MCOLN1: variants seen among roughly 807,000 people sequenced by gnomAD.
MCOLN1 encodes mucolipin TRP cation channel 1, also known as mucolipin-1.
Under a neutral mutation model 70.3 loss-of-function variants are expected in MCOLN1, and 50 were observed. The observed-to-expected ratio is 0.71, with a 90% confidence interval of 0.57 to 0.90. MCOLN1 has a LOEUF of 0.90. MCOLN1 is among the 40% of genes least tolerant of loss of function. The probability of loss-of-function intolerance (pLI) is 0.00; values close to 1 mark genes in which losing one functional copy is unlikely to be tolerated. For missense variants in MCOLN1, 598 were observed against 803.5 expected, an observed-to-expected ratio of 0.74 and a Z score of 3.09; for synonymous variants, 366 against 341.0, an observed-to-expected ratio of 1.07 and a Z score of -0.81.
rs774271399 is a variant in MCOLN1 at position 7,527,569 on chromosome 19, C to T, written c.621C>T (p.Asp207=). 1.1e-5 allele frequency: 17 copies of T among 1,612,826 alleles called. No individual in the cohort carries two copies. The highest frequency in any genetic ancestry group is 3.3e-5 in the Admixed American group (2 of 60,004). The change falls in exon 5 of 14, where the codon GAC becomes GAT. Residue 207 remains aspartate, a synonymous_variant. Transcript: ENST00000264079. Reference sequence around the variant, plus strand: ...AGCGGCCCCCTCCGCCCCCCAGCGACGATCTCACCCTCTTGGAAAGCAGCT... The same window carrying T: ...AGCGGCCCCCTCCGCCCCCCAGCGATGATCTCACCCTCTTGGAAAGCAGCT... ...PPERPPPPPS[D]DLTLLESSSS...
At chr19:7,527,286 A>G in intron 4 of MCOLN1, 1 of 547,822 alleles carries the variant, frequency 1.8e-6, no homozygotes, top group South Asian at 2.1e-5. Context: ...AAAAAAAAAA[A>G]AAAAAAAAAC....
chr19:7,525,047 G>T lies in MCOLN1; in HGVS notation c.118G>T (p.Asp40Tyr), dbSNP rs759004842. 6.2e-7 allele frequency: 1 copy of T among 1,614,136 alleles called. No individual in the cohort carries two copies. Among genetic ancestry groups the T allele is most frequent in the Non-Finnish European group, 8.5e-7 (1 of 1,180,038 alleles). The change falls in exon 2 of 14, where the codon GAC becomes TAC. Residue 40 changes from aspartate to tyrosine, a missense_variant. By Grantham distance (160) the Asp-to-Tyr change is radical (BLOSUM62 -3). Transcript: ENST00000264079. This position sits in a 1 kb window ranked among gnomAD's most constrained non-coding sequence, Gnocchi z 4.2. ...CCCTCCGACACCCCCAGAAGAGGAA[G>T]ACCTTCGCCGTCGTCTCAAATACTT... ...PAPPTPPEEE[D>Y]LRRRLKYFFM...
intron 4 of MCOLN1, 151 bp from the exon 5 acceptor site, chr19:7,527,369 C>G: frequency 1.5e-6 from 1 of 667,942 alleles, no homozygotes; most frequent in South Asian, 1.7e-5. Flanking sequence ...ATGGCTCATT[C>G]AGTAAAACAT....
Position 7,522,765 on chromosome 19 carries a change from G to C in MCOLN1, c.15G>C (p.Ala5=). 1 of 1,410,280 alleles carries C rather than the reference G, an allele frequency of 7.1e-7. No homozygotes were observed. The highest frequency in any genetic ancestry group is 9.2e-7 in the Non-Finnish European group (1 of 1,086,204). The allele number at this position is 1,410,280 out of a possible 1,614,324, so 87.4% of individuals were successfully genotyped here. The change falls in exon 1 of 14, where the codon GCG becomes GCC. Residue 5 remains alanine, a synonymous_variant. Coordinates refer to ENST00000264079, the MANE Select transcript of MCOLN1 (RefSeq NM_020533.3). ...CCCGCCCCAGCATGACAGCCCCGGCGGGTCCGCGCGGCTCAGGTGAGGGCG... is the reference window on the plus strand; with the variant it reads ...CCCGCCCCAGCATGACAGCCCCGGCCGGTCCGCGCGGCTCAGGTGAGGGCG... The part of the protein sequence containing the change: MTAP[A]GPRGSETERL...
rs2146021915 is a variant in MCOLN1 at position 7,525,788 on chromosome 19, C to T, written c.237+622C>T. On this transcript the variant is annotated intron_variant, in intron 2 of 13. Coordinates refer to ENST00000264079, the MANE Select transcript of MCOLN1 (RefSeq NM_020533.3). The surrounding 1 kb of genome is among the most constrained non-coding windows in gnomAD (Gnocchi z 4.2). Reference sequence around the variant, plus strand: ...CTGAAAAGGGACCCAATTGTCCAGGCATGGTGGCTCATGCCTGTAATGCCA... The same window carrying T: ...CTGAAAAGGGACCCAATTGTCCAGGTATGGTGGCTCATGCCTGTAATGCCA... The T allele has an allele frequency of 5.8e-6, 1 of 171,126 alleles. No homozygotes were observed. The highest frequency in any genetic ancestry group is 2.4e-5 in the African/African-American group (1 of 41,670). The allele number at this position is 171,126 out of a possible 1,614,324, so 10.6% of individuals were successfully genotyped here. A position where few individuals can be genotyped will look rare whatever the true frequency, so the allele number is the denominator to read the frequency against.
At chr19:7,529,516 C>CGGGGGG in intron 10 of MCOLN1, 74 bp from the exon 11 acceptor site, 1 of 1,276,784 alleles carries the variant, frequency 7.8e-7, no homozygotes, top group Non-Finnish European at 1.1e-6. Context: ...GCCCCTCCCA[C>CGGGGGG]CCCCATCTGG....
At position 7,522,660 on chromosome 19, in the gene MCOLN1, C is replaced by T; in HGVS notation, c.-91C>T. 3.0e-6 allele frequency: 4 copies of T among 1,340,732 alleles called. No homozygotes were observed. The highest frequency in any genetic ancestry group is 2.8e-5 in the Admixed American group (1 of 35,868). 83.1% of individuals were successfully genotyped at this position (1,340,732 alleles called of 1,614,324 possible). A position where few individuals can be genotyped will look rare whatever the true frequency, so the allele number is the denominator to read the frequency against. ...GATGCCGGAGGGTTTGAAGCCGCGC[C>T]GCGAGGGAGCGAGGTCGCAGTGACA... On this transcript the variant is annotated 5_prime_UTR_variant, in exon 1 of 14. Transcript: ENST00000264079.
chr19:7,529,510 C>CCCCCCCCCCCA, intron 10 of MCOLN1, 80 bp from the exon 11 acceptor site: 3 of 912,890 alleles, frequency 3.3e-6, no homozygotes, highest in South Asian at 1.4e-5. Context: ...GGCCCCGCCC[C>CCCCCCCCCCCA]TCCCACCCCC....
At chr19:7,523,908 A>G (rs1724178685) in intron 1 of MCOLN1, among the ~76,000 whole-genome samples, 1 of 151,320 alleles carries the variant, frequency 6.6e-6, no homozygotes, top group Non-Finnish European at 1.5e-5. Flanking sequence ...GTGCAGTGGC[A>G]TAATCCTAGC....
intron 10 of MCOLN1, 84 bp from the exon 11 acceptor site, chr19:7,529,506 G>GC: frequency 5.2e-4 from 146 of 280,150 alleles, no homozygotes; most frequent in South Asian, 1.3e-3. Flanking sequence ...GCAAGGCCCC[G>GC]CCCCTCCCAC....
chr19:7,533,597 CGGCAAGTTCCGCCGCGGGAGCGGCTCG>C lies in MCOLN1; in HGVS notation c.1652_1678del (p.Gly551_Ser559del). On this transcript the variant is annotated inframe_deletion, in exon 13 of 14. Coordinates refer to ENST00000264079, the MANE Select transcript of MCOLN1 (RefSeq NM_020533.3). ...CACAGTGCCAGGACAGCCCCACCTCCGGCAAGTTCCGCCGCGGGAGCGGCTCGGCCTGCAGCCTTCTCTGCTGCTGCG... is the reference window on the plus strand; with the variant it reads ...CACAGTGCCAGGACAGCCCCACCTCCGCCTGCAGCCTTCTCTGCTGCTGCG... 1 of 1,613,458 alleles carries C rather than the reference CGGCAAGTTCCGCCGCGGGAGCGGCTCG, an allele frequency of 6.2e-7. No homozygotes were observed. The highest frequency in any genetic ancestry group is 2.2e-5 in the East Asian group (1 of 44,886).
chr19:7,530,328 A>G lies in MCOLN1; in HGVS notation c.1402A>G (p.Ile468Val). Reference protein sequence around the residue: ...SMVSECLFSLINGDDMFVTFA... With the variant: ...SMVSECLFSLVNGDDMFVTFA... ...GGTGTCTGAGTGCCTGTTCTCGCTC[A>G]TCAATGGGGACGACATGTTTGTGAC... The change falls in exon 12 of 14, where the codon ATC becomes GTC. Residue 468 changes from isoleucine (I) to valine (V), a missense_variant. By Grantham distance (29) the Ile-to-Val change is conservative. Around this residue, in one of 3 missense-constraint regions of MCOLN1, gnomAD observed 78 missense variants for 156.2 expected, o/e 0.50. Coordinates refer to ENST00000264079, the MANE Select transcript of MCOLN1 (RefSeq NM_020533.3). 1 of 1,613,740 alleles carries G rather than the reference A, an allele frequency of 6.2e-7. No individual in the cohort carries two copies. Among genetic ancestry groups the G allele is most frequent in the Non-Finnish European group, 8.5e-7 (1 of 1,180,024 alleles).
At chr19:7,533,703 A>C in intron 13 of MCOLN1, 50 bp downstream of exon 13, 1 of 1,614,102 alleles carries the variant, frequency 6.2e-7, no homozygotes, top group South Asian at 1.1e-5. Context: ...GGGAATGGGG[A>C]AAGGGGAGCG....
rs534967213 is a variant in MCOLN1 at position 7,524,554 on chromosome 19, C to T, written c.32-407C>T. 1.2e-3 allele frequency among the ~76,000 whole-genome samples: 178 copies of T among 152,332 alleles called. 3 individuals are homozygous for T. Among genetic ancestry groups the T allele is most frequent in the South Asian group, 1.0e-3 (5 of 4,824 alleles). ...CAGTGGGAGCAGTTCATTCTCTCCC[C>T]ACTGATCAATAACGGGAACATTGAT... On this transcript the variant is annotated intron_variant, in intron 1 of 13. Coordinates refer to ENST00000264079, the MANE Select transcript of MCOLN1 (RefSeq NM_020533.3). This position sits in a 1 kb window ranked among gnomAD's most constrained non-coding sequence, Gnocchi z 4.1.
Position 7,527,627 on chromosome 19 carries a change from A to T in MCOLN1, c.679A>T (p.Lys227Ter). The change falls in exon 5 of 14, where the codon AAG becomes TAG. Residue 227 changes from lysine to a stop codon, truncating the protein, a stop_gained and splice_region_variant. Coordinates refer to ENST00000264079, the MANE Select transcript of MCOLN1 (RefSeq NM_020533.3). LOFTEE classifies it high-confidence loss of function. ...SYKNLTLKFH[K>*]LVNVTIHFRL... is the part of the protein sequence containing the mutation. ...CAAGAACCTCACGCTCAAATTCCAC[A>T]AGTACTGCCTGCTCACTCGAGGGGG... 1 of 1,602,256 alleles carries T rather than the reference A, an allele frequency of 6.2e-7. No individual in the cohort carries two copies. Among genetic ancestry groups the T allele is most frequent in the East Asian group, 2.2e-5 (1 of 44,812 alleles).
chr19:7,523,274 G>A (rs982341414), intron 1 of MCOLN1, among the ~76,000 whole-genome samples: 8 of 152,258 alleles, frequency 5.3e-5, no homozygotes, highest in Non-Finnish European at 1.0e-4. Flanking sequence ...TGGAAGCGCA[G>A]CCTTCTTAAA....
In MCOLN1 at chr19:7,529,116, G is replaced by A. The variant is rs368892419; in HGVS notation, c.1150G>A (p.Asp384Asn). The change falls in exon 10 of 14, where the codon GAC (aspartate) becomes AAC (asparagine). Residue 384 changes from aspartate to asparagine, a missense_variant. Around this residue, in one of 3 missense-constraint regions of MCOLN1, gnomAD observed 461 missense variants for 588.4 expected, o/e 0.78. Transcript: ENST00000264079. ...CCACCCGCAGAACTTGGCGAGCTAC[G>A]ACGTCTGCAGCATCCTCCTGGGCAC... ...GIEAKNLASY[D>N]VCSILLGTST... The A allele has an allele frequency of 9.9e-6, 16 of 1,613,814 alleles. No individual in the cohort carries two copies. The highest frequency in any genetic ancestry group is 6.7e-5 in the African/African-American group (5 of 74,912).
chr19:7,529,042 C>T, intron 9 of MCOLN1, 59 bp from the exon 10 acceptor site: 2 of 1,613,122 alleles, frequency 1.2e-6, no homozygotes, highest in Non-Finnish European at 1.7e-6. Flanking sequence ...CCATATCCTC[C>T]CCCAGGCCCC....
At chr19:7,523,058 G>A (rs2022517795) in intron 1 of MCOLN1, among the ~76,000 whole-genome samples, 1 of 152,162 alleles carries the variant, frequency 6.6e-6, no homozygotes, top group Non-Finnish European at 1.5e-5. Context: ...AGGTTCCTGG[G>A]ATTCCCACTG....
Sources: allele counts gnomAD v4.1 joint callset (sites outside exome capture counted in the v4.1 genomes callset), GRCh38; gene constraint gnomAD v4.1.1; regional missense constraint gnomAD v4.1.1; non-coding constraint Gnocchi (gnomAD v3.1); transcripts MANE v1.5; gene names NCBI Gene and HGNC (gene_info 2026-07-23, HGNC 2026-07-21).